Variants in PLD5 observed in about 807,000 individuals in gnomAD.
PLD5 encodes phospholipase D family member 5, also known as inactive phospholipase D5.
Under a neutral mutation model 61.1 loss-of-function variants are expected in PLD5, and 36 were observed. The observed-to-expected ratio is 0.59, with a 90% CI of 0.45 to 0.78. PLD5 has a LOEUF of 0.78. Among genes scored for constraint, PLD5 ranks in the 30% least tolerant of loss-of-function variants. PLD5 has a pLI of 0.00. For synonymous variants in PLD5, 243 were observed against 242.8 expected (o/e 1.00, Z -0.01); for missense variants, 515 against 644.4 (o/e 0.80, Z 2.17).
chr1:242,160,257 G>C (rs1665720437), intron 5 of PLD5, among the ~76,000 whole-genome samples: 1 of 152,156 alleles, frequency 6.6e-6, no homozygotes, highest in African/African-American at 2.4e-5. Flanking sequence ...CTGGGCTCAA[G>C]TGACTTTCCC....
intron 1 of PLD5, among the ~76,000 whole-genome samples, chr1:242,430,166 T>C (rs1665642843): frequency 6.6e-6 from 1 of 152,188 alleles, no homozygotes; most frequent in South Asian, 2.1e-4. Context: ...CATCTCAGTG[T>C]CTCAGTCTGT....
At chr1:242,122,316 G>T in intron 6 of PLD5, among the ~76,000 whole-genome samples, 1 of 152,194 alleles carries the variant, frequency 6.6e-6, no homozygotes, top group East Asian at 1.9e-4. Flanking sequence ...CTGTTTAAGG[G>T]TTAGTATGTA....
At chr1:242,197,460 GTGAC>G (rs1668704648) in intron 5 of PLD5, among the ~76,000 whole-genome samples, 1 of 152,072 alleles carries the variant, frequency 6.6e-6, no homozygotes, top group Non-Finnish European at 1.5e-5. Context: ...AGCCACACAG[GTGAC>G]TGACTGCCTT....
intron 4 of PLD5, among the ~76,000 whole-genome samples, chr1:242,229,510 T>C (rs1375718387): frequency 2.0e-5 from 3 of 152,202 alleles, no homozygotes; most frequent in African/African-American, 7.2e-5. Context: ...ATGCATATCC[T>C]GTTGAAATTG....
chr1:242,415,605 C>T (rs375289764), intron 1 of PLD5, among the ~76,000 whole-genome samples: 11 of 151,662 alleles, frequency 7.3e-5, no homozygotes, highest in Middle Eastern at 3.4e-3. Flanking sequence ...CTCCACCTCC[C>T]GGGTTCACAC....
At chr1:242,425,594 A>G (rs749179714) in intron 1 of PLD5, among the ~76,000 whole-genome samples, 3 of 151,876 alleles carry the variant, frequency 2.0e-5, no homozygotes, top group Non-Finnish European at 2.9e-5. Context: ...TTGTGTTTAA[A>G]CATTTTTCTT....
intron 8 of PLD5, among the ~76,000 whole-genome samples, chr1:242,101,395 G>T (rs1660675696): frequency 6.6e-6 from 1 of 152,072 alleles, no homozygotes; most frequent in African/African-American, 2.4e-5. Context: ...TTCACCCAAG[G>T]CCAGGAATGG....
At chr1:242,135,534 C>T (rs943960108) in intron 5 of PLD5, among the ~76,000 whole-genome samples, 1 of 152,224 alleles carries the variant, frequency 6.6e-6, no homozygotes, top group Non-Finnish European at 1.5e-5. Context: ...TGCCCATCTA[C>T]CTGTTTTCCA....
At chr1:242,207,736 TTTTATATATA>T (rs1481175575) in intron 5 of PLD5, among the ~76,000 whole-genome samples, 2 of 97,134 alleles carry the variant, frequency 2.1e-5, no homozygotes, top group Non-Finnish European at 3.9e-5. Context: ...GAAATCGATG[TTTTATATATA>T]TTTATATATA....
In PLD5 at chr1:242,085,818, T is replaced by C. The variant is rs1031027218; in HGVS notation, c.*4036A>G. The C allele has an allele frequency of 1.3e-5, 2 of 151,658 alleles. No individual in the cohort carries two copies. Among genetic ancestry groups the C allele is most frequent in the African/African-American group, 4.9e-5 (2 of 41,222 alleles). 9.4% of individuals were successfully genotyped at this position (151,658 alleles called of 1,614,324 possible). A position where few individuals can be genotyped will look rare whatever the true frequency, so the allele number is the denominator to read the frequency against. On this transcript the variant is annotated 3_prime_UTR_variant, in exon 10 of 10. Coordinates refer to ENST00000536534, the MANE Select transcript of PLD5 (RefSeq NM_001372062.1). ...TGGCAGCGTTTTACATTCCTAAAGT[T>C]AAAAATAATGAAATGAATTTTGGAC...
intron 4 of PLD5, among the ~76,000 whole-genome samples, chr1:242,231,739 G>A (rs1671314540): frequency 6.6e-6 from 1 of 152,098 alleles, no homozygotes; most frequent in Admixed American, 6.6e-5. Context: ...TTCAATAGAG[G>A]AGATCTAATA....
chr1:242,116,448 G>A (rs1263525442), intron 6 of PLD5, among the ~76,000 whole-genome samples: 1 of 152,176 alleles, frequency 6.6e-6, no homozygotes, highest in Non-Finnish European at 1.5e-5. Context: ...AGGGGGTACA[G>A]GTGCAGGTTT....
chr1:242,178,414 TCA>T (rs1667308115), intron 5 of PLD5: 1 of 152,202 alleles, frequency 6.6e-6, no homozygotes, highest in African/African-American at 2.4e-5. Flanking sequence ...ATGGGGTCCC[TCA>T]CTGTGTCCTG....
At chr1:242,458,536 A>C (rs1160186250) in intron 1 of PLD5, among the ~76,000 whole-genome samples, 1 of 152,270 alleles carries the variant, frequency 6.6e-6, no homozygotes, top group East Asian at 1.9e-4. Flanking sequence ...TATGGAGATT[A>C]ACAATAGCTA....
At chr1:242,281,526 T>TAC (rs1465351239) in intron 3 of PLD5, among the ~76,000 whole-genome samples, 1 of 135,790 alleles carries the variant, frequency 7.4e-6, no homozygotes, top group Admixed American at 8.0e-5. Flanking sequence ...CAGAGGGAGA[T>TAC]ATACACACAC....
intron 5 of PLD5, among the ~76,000 whole-genome samples, chr1:242,125,637 G>A (rs936450135): frequency 3.9e-5 from 6 of 152,136 alleles, no homozygotes; most frequent in African/African-American, 1.4e-4. Flanking sequence ...TGCTTTCTAT[G>A]ACTTGAACAC....
At chr1:242,250,614 C>A (rs10803032) in intron 4 of PLD5, among the ~76,000 whole-genome samples, 30,938 of 152,106 alleles carry the variant, frequency 0.2, 3,485 homozygotes, top group East Asian at 0.37. Flanking sequence ...TATTACTAAT[C>A]ATAAAATAAT....
intron 5 of PLD5, among the ~76,000 whole-genome samples, chr1:242,148,097 G>A (rs1375150938): frequency 4.0e-5 from 6 of 151,862 alleles, no homozygotes; most frequent in Non-Finnish European, 8.8e-5. Flanking sequence ...CTTTGCCTAA[G>A]CCATGATCAC....
At chr1:242,268,038 G>A (rs1284060622) in intron 3 of PLD5, among the ~76,000 whole-genome samples, 1 of 152,230 alleles carries the variant, frequency 6.6e-6, no homozygotes, top group East Asian at 1.9e-4. Context: ...CTGTGTAGAG[G>A]TAGGAGCTTG....
Sources: gnomAD v4.1 joint callset for allele counts (sites outside exome capture counted in the v4.1 genomes callset) on GRCh38, gnomAD v4.1.1 for gene constraint, MANE v1.5 for transcripts, NCBI Gene and HGNC (gene_info 2026-07-23, HGNC 2026-07-21) for gene names.